The following ARHGAP44 variants were observed in gnomAD, a reference collection of about 807,000 sequenced individuals.
The protein encoded by ARHGAP44 is Rho GTPase activating protein 44.
A neutral mutation model predicts 106.8 loss-of-function variants in ARHGAP44; 43 were observed. The observed-to-expected ratio is 0.40, with a 90% CI of 0.32 to 0.52. The LOEUF (loss-of-function observed/expected upper bound fraction) is 0.52. ARHGAP44 is among the 20% of genes least tolerant of loss of function. ARHGAP44 has a pLI of 0.48. For synonymous variants in ARHGAP44, 439 were observed against 410.3 expected (o/e 1.07, Z -0.85); for missense variants, 866 against 1,050.5 (o/e 0.82, Z 2.43).
At chr17:12,884,286 A>G (rs905489349) in intron 1 of ARHGAP44, among the ~76,000 whole-genome samples, 5 of 151,774 alleles carry the variant, frequency 3.3e-5, no homozygotes, top group Non-Finnish European at 5.9e-5. Context: ...ACTTTGTGCT[A>G]TTTTTTCTAT....
intron 13 of ARHGAP44, among the ~76,000 whole-genome samples, chr17:12,954,801 T>C (rs770383944): frequency 4.6e-5 from 7 of 152,212 alleles, no homozygotes; most frequent in Non-Finnish European, 8.8e-5. Flanking sequence ...AGCTTCTTCA[T>C]TGTATTTGTT....
intron 6 of ARHGAP44, among the ~76,000 whole-genome samples, chr17:12,924,658 T>C (rs1268760217): frequency 6.6e-6 from 1 of 152,136 alleles, no homozygotes; most frequent in Non-Finnish European, 1.5e-5. Flanking sequence ...TTATTAAGGT[T>C]AAATGAGGTC....
At chr17:12,821,675 A>G (rs977307937) in intron 1 of ARHGAP44, among the ~76,000 whole-genome samples, 1 of 152,142 alleles carries the variant, frequency 6.6e-6, no homozygotes, top group African/African-American at 2.4e-5. Flanking sequence ...AAAAGCAAAA[A>G]ATCAAAACAG....
At chr17:12,828,547 G>T (rs1411998350) in intron 1 of ARHGAP44, among the ~76,000 whole-genome samples, 1 of 151,302 alleles carries the variant, frequency 6.6e-6, no homozygotes, top group Non-Finnish European at 1.5e-5. Context: ...GGGCATTACT[G>T]GGATATGTAC....
chr17:12,984,472 A>AC, intron 19 of ARHGAP44, 59 bp from the exon 20 acceptor site: 3 of 1,496,724 alleles, frequency 2.0e-6, no homozygotes, highest in Non-Finnish European at 2.7e-6. Flanking sequence ...AACAGGCCCC[A>AC]CAAGTGGCTT....
Position 12,980,227 on chromosome 17 carries a change from C to T in ARHGAP44, c.1933C>T (p.Arg645Trp), listed in dbSNP as rs781001928. 2.1e-5 allele frequency: 34 copies of T among 1,611,392 alleles called. No individual in the cohort carries two copies. The highest frequency in any genetic ancestry group is 6.7e-5 in the Admixed American group (4 of 59,640). Residue 645 changes from arginine (R) to tryptophan (W), a missense_variant, in exon 19 of 21, where the codon CGG becomes TGG. By Grantham distance (101) the Arg-to-Trp change is moderately radical (BLOSUM62 -3). Transcript: ENST00000379672. Reference protein sequence around the residue: ...PPADQSPHTLRKVSKKLAPIP... With the variant: ...PPADQSPHTLWKVSKKLAPIP... Reference sequence around the variant, plus strand: ...TGCAGACCAGAGTCCTCACACCCTCCGGAAAGGTATGGCCCTGCTTCCCTT... The same window carrying T: ...TGCAGACCAGAGTCCTCACACCCTCTGGAAAGGTATGGCCCTGCTTCCCTT...
intron 20 of ARHGAP44, chr17:12,986,812 C>T (rs996596475): frequency 9.4e-6 from 3 of 319,002 alleles, no homozygotes; most frequent in African/African-American, 6.4e-5. Flanking sequence ...CCCCAGGGCT[C>T]TAAGAAGCGG....
At chr17:12,876,234 A>G (rs2036552788) in intron 1 of ARHGAP44, among the ~76,000 whole-genome samples, 1 of 152,184 alleles carries the variant, frequency 6.6e-6, no homozygotes, top group East Asian at 1.9e-4. Context: ...AATTATTAAA[A>G]GCATCCAATC....
intron 1 of ARHGAP44, among the ~76,000 whole-genome samples, chr17:12,885,946 T>C (rs1839655868): frequency 6.6e-6 from 1 of 152,120 alleles, no homozygotes; most frequent in South Asian, 2.1e-4. Context: ...GTCACAGATA[T>C]TTTCTTCTAT....
At chr17:12,835,576 C>T (rs1343659846) in intron 1 of ARHGAP44, among the ~76,000 whole-genome samples, 3 of 151,852 alleles carry the variant, frequency 2.0e-5, no homozygotes, top group Admixed American at 1.3e-4. Flanking sequence ...AAAGCATTAT[C>T]GTGTTTTTAC....
chr17:12,928,339 A>G (rs1598069579), intron 6 of ARHGAP44, among the ~76,000 whole-genome samples: 1 of 152,200 alleles, frequency 6.6e-6, no homozygotes, highest in African/African-American at 2.4e-5. Flanking sequence ...TAGGCAGGGG[A>G]CTTAAACCAA....
At chr17:12,913,089 A>G in intron 4 of ARHGAP44, among the ~76,000 whole-genome samples, 1 of 152,204 alleles carries the variant, frequency 6.6e-6, no homozygotes, top group Non-Finnish European at 1.5e-5. Context: ...CAGGTCCAGG[A>G]GGGATTAATT....
chr17:12,938,201 C>G (rs1567697487), intron 7 of ARHGAP44, among the ~76,000 whole-genome samples: 1 of 152,060 alleles, frequency 6.6e-6, no homozygotes, highest in African/African-American at 2.4e-5. Flanking sequence ...GACAAGAAGA[C>G]ATTATAAAAT....
rs556123251 is a variant in ARHGAP44 at position 12,875,651 on chromosome 17, G to A, written c.54-19289G>A. Among the ~76,000 whole-genome samples the A allele has an allele frequency of 4.6e-5, 7 of 151,986 alleles. 1 individual carries two copies. The South Asian group carries it at 1.5e-3, about 32-fold the overall frequency. Reference sequence around the variant, plus strand: ...TTATAACACCCTCAAGCTATTTTAAGAAATGTATTAGGCTGGGCGCAGTGG... The same window carrying A: ...TTATAACACCCTCAAGCTATTTTAAAAAATGTATTAGGCTGGGCGCAGTGG... On this transcript the variant is annotated intron_variant, in intron 1 of 20. Transcript: ENST00000379672.
chr17:12,989,101 C>CGAAAA (rs1598173210), intron 20 of ARHGAP44, among the ~76,000 whole-genome samples: 7 of 45,156 alleles, frequency 1.6e-4, no homozygotes, highest in African/African-American at 4.3e-4. Flanking sequence ...CCACCCCCCC[C>CGAAAA]AAAAAAAAAA....
At chr17:12,859,708 C>G (rs1194951545) in intron 1 of ARHGAP44, among the ~76,000 whole-genome samples, 1 of 152,100 alleles carries the variant, frequency 6.6e-6, no homozygotes, top group Non-Finnish European at 1.5e-5. Context: ...GATGCAAAAA[C>G]GATTGCCAGG....
chr17:12,817,225 AAACAC>A (rs1393393758), intron 1 of ARHGAP44, among the ~76,000 whole-genome samples: 1 of 152,110 alleles, frequency 6.6e-6, no homozygotes, highest in African/African-American at 2.4e-5. Context: ...ATGAAAATGA[AAACAC>A]AACATATCAA....
chr17:12,949,600 C>T lies in ARHGAP44; in HGVS notation c.974-49C>T. ...AGGCAGTGCTGGCTGGTGGGTCTTG[C>T]CTCTGCCACATCATAACAGTTCACA... On this transcript the variant is annotated intron_variant, in intron 11 of 20. Transcript: ENST00000379672. This position sits in a 1 kb window ranked among gnomAD's most constrained non-coding sequence, Gnocchi z 4.1. 1.3e-6 allele frequency: 2 copies of T among 1,579,858 alleles called. No homozygotes were observed. The highest frequency in any genetic ancestry group is 1.1e-5 in the South Asian group (1 of 89,714).
In ARHGAP44 at chr17:12,914,678, C is replaced by T. The variant is rs190710886; in HGVS notation, c.276-1222C>T. ...GGGTGTGGTGGCAGCCTCCTGTAATCCCAGCTACTCAGGAGGCTGAGGCAG... is the reference window on the plus strand; with the variant it reads ...GGGTGTGGTGGCAGCCTCCTGTAATTCCAGCTACTCAGGAGGCTGAGGCAG... On this transcript the variant is annotated intron_variant, in intron 4 of 20. Coordinates refer to ENST00000379672, the MANE Select transcript of ARHGAP44 (RefSeq NM_014859.6). 2.9e-3 allele frequency among the ~76,000 whole-genome samples: 434 copies of T among 152,042 alleles called. 4 individuals are homozygous for T. Among genetic ancestry groups the T allele is most frequent in the Non-Finnish European group, 5.0e-3 (341 of 67,964 alleles).
Sources: allele counts gnomAD v4.1 joint callset (sites outside exome capture counted in the v4.1 genomes callset), GRCh38; gene constraint gnomAD v4.1.1; non-coding constraint Gnocchi (gnomAD v3.1); transcripts MANE v1.5; gene names NCBI Gene and HGNC (gene_info 2026-07-23, HGNC 2026-07-21).